Variants in DLG2 observed in about 807,000 individuals in gnomAD.
DLG2 encodes disks large homolog 2.
DLG2 carries 45 observed loss-of-function variants against 132.5 expected under a neutral mutation model. The observed-to-expected ratio is 0.34, with a 90% confidence interval of 0.27 to 0.44. The LOEUF (loss-of-function observed/expected upper bound fraction) is 0.44, where lower values mean the gene tolerates loss of function less well. Ranked by LOEUF, DLG2 falls within the 20% of genes least tolerant of loss-of-function variation. The pLI is 1.00. For synonymous variants in DLG2, 424 were observed against 419.6 expected, an observed-to-expected ratio of 1.01 and a Z score of -0.13; for missense variants, 1,045 against 1,196.9, an observed-to-expected ratio of 0.87 and a Z score of 1.87.
chr11:83,646,105 AG>A (rs2068074413), intron 18 of DLG2, among the ~76,000 whole-genome samples: 2 of 152,184 alleles, frequency 1.3e-5, no homozygotes, highest in Admixed American at 1.3e-4. Context: ...GAGCTTATCA[AG>A]CTAGCTCGGT....
At chr11:84,759,306 G>T (rs1351241424) in intron 6 of DLG2, among the ~76,000 whole-genome samples, 2 of 152,174 alleles carry the variant, frequency 1.3e-5, no homozygotes, top group African/African-American at 4.8e-5. Context: ...GGGGAAGAAA[G>T]ATATGGAATA....
intron 7 of DLG2, among the ~76,000 whole-genome samples, chr11:84,302,177 A>G (rs1028152452): frequency 6.6e-6 from 1 of 152,128 alleles, no homozygotes; most frequent in Non-Finnish European, 1.5e-5. Context: ...GGAGGGGAAC[A>G]TCGCACACTG....
At chr11:84,079,568 C>A (rs781088717) in intron 10 of DLG2, among the ~76,000 whole-genome samples, 5 of 152,324 alleles carry the variant, frequency 3.3e-5, no homozygotes, top group Non-Finnish European at 7.4e-5. Flanking sequence ...CAGGCATGAG[C>A]CACCGTGTCC....
chr11:85,042,916 A>C (rs1231169084), intron 6 of DLG2, among the ~76,000 whole-genome samples: 1 of 151,810 alleles, frequency 6.6e-6, no homozygotes, highest in African/African-American at 2.4e-5. Context: ...CTGCAAAATT[A>C]TATTTTTGTA....
intron 3 of DLG2, among the ~76,000 whole-genome samples, chr11:85,562,668 C>T (rs749065575): frequency 6.6e-5 from 10 of 151,588 alleles, no homozygotes; most frequent in Admixed American, 1.3e-4. Flanking sequence ...TCAAAAATGG[C>T]CTTGTCTCAT....
At position 85,156,427 on chromosome 11, in the gene DLG2, G is replaced by A. The variant is rs192555698; in HGVS notation, c.187-1776C>T. On this transcript the variant is annotated intron_variant, in intron 4 of 27. Coordinates refer to ENST00000376104, the MANE Select transcript of DLG2 (RefSeq NM_001142699.3). ...ATGAAAAGTTGATACATAGATAGAT[G>A]AACAAACTGAGAAGATGTGTCATCT... Among the ~76,000 whole-genome samples the A allele has an allele frequency of 4.6e-5, 7 of 152,264 alleles. No individual in the cohort carries two copies. The East Asian group carries it at 1.4e-3, about 29-fold the overall frequency.
chr11:85,447,912 C>T (rs2092081541), intron 3 of DLG2, among the ~76,000 whole-genome samples: 1 of 152,118 alleles, frequency 6.6e-6, no homozygotes, highest in Non-Finnish European at 1.5e-5. Context: ...TAACCAATCT[C>T]TTTGAAAATG....
intron 11 of DLG2, among the ~76,000 whole-genome samples, chr11:84,042,148 T>A (rs1158604246): frequency 6.6e-6 from 1 of 151,998 alleles, no homozygotes; most frequent in Non-Finnish European, 1.5e-5. Flanking sequence ...CAACTGTTTT[T>A]TAAAGATAGA....
At chr11:84,980,930 G>T (rs183616847) in intron 6 of DLG2, among the ~76,000 whole-genome samples, 53 of 152,266 alleles carry the variant, frequency 3.5e-4, no homozygotes, top group Admixed American at 3.1e-3. Context: ...CCCAGAGCTG[G>T]TTATATTGGG....
chr11:84,984,632 G>T (rs1298642147), intron 6 of DLG2, among the ~76,000 whole-genome samples: 2 of 150,860 alleles, frequency 1.3e-5, no homozygotes, highest in African/African-American at 4.9e-5. Context: ...GAATGGAATG[G>T]TACCTCGCAT....
intron 16 of DLG2, among the ~76,000 whole-genome samples, chr11:83,839,910 C>CT (rs2057172484): frequency 6.6e-6 from 1 of 152,150 alleles, no homozygotes; most frequent in Non-Finnish European, 1.5e-5. Flanking sequence ...CAGGTTTTGA[C>CT]TTTTAGGATA....
intron 12 of DLG2, among the ~76,000 whole-genome samples, chr11:83,969,653 A>C (rs1470587739): frequency 6.6e-6 from 1 of 152,034 alleles, no homozygotes; most frequent in African/African-American, 2.4e-5. Flanking sequence ...GGCTCACTGC[A>C]ACCTCTGCCT....
At chr11:83,520,367 A>T (rs1317076173) in intron 21 of DLG2, among the ~76,000 whole-genome samples, 1 of 152,144 alleles carries the variant, frequency 6.6e-6, no homozygotes, top group African/African-American at 2.4e-5. Flanking sequence ...TAGCTTCCCC[A>T]TTGTTGCCTA....
chr11:83,753,811 CATATATATATTTCAT>C (rs773930829), intron 18 of DLG2, among the ~76,000 whole-genome samples: 5,444 of 66,832 alleles, frequency 0.081, 239 homozygotes, highest in Middle Eastern at 0.18. Flanking sequence ...TCATATATAT[CATATATATATTTCAT>C]ATATATATGA....
At chr11:83,478,730 G>A (rs938178194) in intron 22 of DLG2, among the ~76,000 whole-genome samples, 4 of 151,944 alleles carry the variant, frequency 2.6e-5, no homozygotes, top group African/African-American at 9.6e-5. Context: ...TTTCTTTTTC[G>A]ATACCTGTGT....
chr11:84,750,821 T>C (rs944366922), intron 6 of DLG2, among the ~76,000 whole-genome samples: 1 of 152,178 alleles, frequency 6.6e-6, no homozygotes, highest in Non-Finnish European at 1.5e-5. Flanking sequence ...TTTATGATCT[T>C]ACCACCTGAT....
intron 4 of DLG2, among the ~76,000 whole-genome samples, chr11:85,172,888 CT>C (rs1448572441): frequency 2.6e-5 from 4 of 152,030 alleles, no homozygotes; most frequent in Non-Finnish European, 5.9e-5. Context: ...TGAAGACAAT[CT>C]TTCTGAAATA....
intron 7 of DLG2, among the ~76,000 whole-genome samples, chr11:84,334,053 C>A (rs997197718): frequency 2.0e-5 from 3 of 152,102 alleles, no homozygotes; most frequent in African/African-American, 7.2e-5. Context: ...CTGGGCACAT[C>A]CTCATAATAT....
intron 6 of DLG2, among the ~76,000 whole-genome samples, chr11:85,033,525 G>A (rs1032275571): frequency 2.6e-5 from 4 of 151,940 alleles, no homozygotes; most frequent in Non-Finnish European, 5.9e-5. Flanking sequence ...TTATCTCATC[G>A]CCAACTGGCA....
Sources: gnomAD v4.1 joint callset for allele counts (sites outside exome capture counted in the v4.1 genomes callset) on GRCh38, gnomAD v4.1.1 for gene constraint, MANE v1.5 for transcripts, NCBI Gene and HGNC (gene_info 2026-07-23, HGNC 2026-07-21) for gene names.